MACROD2: variants seen among roughly 807,000 people sequenced by gnomAD.
MACROD2 encodes mono-ADP ribosylhydrolase 2.
MACROD2 carries 36 observed loss-of-function variants against 70.4 expected under a neutral mutation model. That is an observed-to-expected ratio of 0.51 (90% CI 0.39 to 0.68). The LOEUF (loss-of-function observed/expected upper bound fraction) is 0.68. Among genes scored for constraint, MACROD2 ranks in the 30% least tolerant of loss-of-function variants. The pLI is 0.00. For synonymous variants in MACROD2, 172 were observed against 178.8 expected (o/e 0.96, Z 0.30); for missense variants, 496 against 538.4 (o/e 0.92, Z 0.78).
At chr20:14,768,391 C>T (rs933940347) in intron 5 of MACROD2, among the ~76,000 whole-genome samples, 1 of 152,110 alleles carries the variant, frequency 6.6e-6, no homozygotes, top group African/African-American at 2.4e-5. Context: ...GAACATTTCC[C>T]AGGAATTTGG....
intron 6 of MACROD2, among the ~76,000 whole-genome samples, chr20:15,328,798 A>T (rs971936372): frequency 1.3e-5 from 2 of 152,248 alleles, no homozygotes; most frequent in African/African-American, 4.8e-5. Context: ...TCTTTGACAT[A>T]ACAATTACAC....
chr20:14,654,530 A>T (rs1985867570), intron 4 of MACROD2, among the ~76,000 whole-genome samples: 1 of 148,824 alleles, frequency 6.7e-6, no homozygotes. Flanking sequence ...TGGGAGATGG[A>T]GTGAGACTCC....
At chr20:14,637,357 C>T (rs1984838999) in intron 4 of MACROD2, among the ~76,000 whole-genome samples, 1 of 152,140 alleles carries the variant, frequency 6.6e-6, no homozygotes, top group South Asian at 2.1e-4. Context: ...TCCAGTTAAC[C>T]ATTAAAGATA....
intron 10 of MACROD2, among the ~76,000 whole-genome samples, chr20:15,894,488 G>T (rs2064939298): frequency 6.6e-6 from 1 of 152,190 alleles, no homozygotes; most frequent in Admixed American, 6.5e-5. Flanking sequence ...AGGATGAGCA[G>T]ACCAGGAACA....
At chr20:15,638,256 C>T (rs2049400740) in intron 8 of MACROD2, among the ~76,000 whole-genome samples, 1 of 152,140 alleles carries the variant, frequency 6.6e-6, no homozygotes, top group African/African-American at 2.4e-5. Flanking sequence ...CTCACCAGAC[C>T]CCTGTGCATC....
chr20:14,029,999 A>G (rs572475870), intron 2 of MACROD2, among the ~76,000 whole-genome samples: 61 of 152,278 alleles, frequency 4.0e-4, no homozygotes, highest in African/African-American at 1.4e-3. Flanking sequence ...GGGAGGAGGG[A>G]GCTAAGAAAT....
intron 5 of MACROD2, among the ~76,000 whole-genome samples, chr20:14,813,067 GT>G (rs139199733): frequency 6.0e-5 from 9 of 149,572 alleles, no homozygotes; most frequent in African/African-American, 1.2e-4. Context: ...TTTAATTTTT[GT>G]TTTTTTTTAC....
chr20:15,685,189 G>T (rs2050210406), intron 8 of MACROD2, among the ~76,000 whole-genome samples: 1 of 152,110 alleles, frequency 6.6e-6, no homozygotes, highest in African/African-American at 2.4e-5. Flanking sequence ...GAAAGGGGTT[G>T]CATGGGATCC....
intron 13 of MACROD2, among the ~76,000 whole-genome samples, chr20:15,982,872 G>T (rs544725259): frequency 1.3e-5 from 2 of 151,726 alleles, no homozygotes; most frequent in Middle Eastern, 3.2e-3. Flanking sequence ...GTGCTAACAG[G>T]GCCGTTGCTA....
chr20:14,597,097 AAG>A (rs1166766459), intron 4 of MACROD2, among the ~76,000 whole-genome samples: 1 of 152,186 alleles, frequency 6.6e-6, no homozygotes, highest in Non-Finnish European at 1.5e-5. Flanking sequence ...TTGTAGATAA[AAG>A]ATATATTTTA....
At chr20:14,289,724 T>A (rs781187298) in intron 3 of MACROD2, among the ~76,000 whole-genome samples, 10 of 152,070 alleles carry the variant, frequency 6.6e-5, no homozygotes, top group Non-Finnish European at 1.5e-4. Context: ...GCATTTTTGG[T>A]AGAGACAGGG....
At chr20:15,906,237 T>C (rs1170145514) in intron 10 of MACROD2, among the ~76,000 whole-genome samples, 1 of 152,212 alleles carries the variant, frequency 6.6e-6, no homozygotes, top group Non-Finnish European at 1.5e-5. Context: ...AAAACGCAGA[T>C]TCCTGCACCT....
At position 14,955,438 on chromosome 20, in the gene MACROD2, A is replaced by G. The variant is rs78022783; in HGVS notation, c.418+270479A>G. 3.2e-3 allele frequency among the ~76,000 whole-genome samples: 480 copies of G among 151,076 alleles called. 5 individuals carry two copies. Among genetic ancestry groups the G allele is most frequent in the African/African-American group, 0.011 (460 of 41,138 alleles). Reference sequence around the variant, plus strand: ...ATGTTTAATGTTCCATGGTCTACACACCTCATTGCCCTCCACACAAGTTAG... The same window carrying G: ...ATGTTTAATGTTCCATGGTCTACACGCCTCATTGCCCTCCACACAAGTTAG... On this transcript the variant is annotated intron_variant, in intron 5 of 17. Transcript: ENST00000684519.
intron 3 of MACROD2, among the ~76,000 whole-genome samples, chr20:14,173,489 CTATT>C (rs1231475362): frequency 3.9e-5 from 6 of 151,944 alleles, no homozygotes; most frequent in African/African-American, 1.4e-4. Context: ...TTTATGCTAT[CTATT>C]GCAGTGAAGA....
chr20:14,130,440 C>T (rs1423345941), intron 3 of MACROD2, among the ~76,000 whole-genome samples: 2 of 151,988 alleles, frequency 1.3e-5, no homozygotes, highest in South Asian at 2.1e-4. Flanking sequence ...CCCAGCTACT[C>T]GGGAGGCTGA....
chr20:15,598,182 A>C (rs1485138882), intron 8 of MACROD2, among the ~76,000 whole-genome samples: 1 of 152,230 alleles, frequency 6.6e-6, no homozygotes, highest in Non-Finnish European at 1.5e-5. Flanking sequence ...GAAAGGCTTT[A>C]ACTTCAAAAC....
At chr20:15,499,492 TGTAA>T (rs1476438742) in intron 7 of MACROD2, among the ~76,000 whole-genome samples, 2 of 152,222 alleles carry the variant, frequency 1.3e-5, no homozygotes, top group African/African-American at 2.4e-5. Flanking sequence ...ATTATGCATA[TGTAA>T]ATATGTTTTT....
At chr20:14,748,406 C>T (rs1476315534) in intron 5 of MACROD2, among the ~76,000 whole-genome samples, 2 of 152,146 alleles carry the variant, frequency 1.3e-5, no homozygotes, top group East Asian at 1.9e-4. Context: ...GAATTAACCA[C>T]TGTATCCAGT....
At chr20:14,862,295 A>G (rs1315236507) in intron 5 of MACROD2, among the ~76,000 whole-genome samples, 1 of 22,926 alleles carries the variant, frequency 4.4e-5, no homozygotes, top group Non-Finnish European at 7.3e-5. Context: ...ATATTTATAT[A>G]AATATATATA....
Sources: allele counts gnomAD v4.1 joint callset (sites outside exome capture counted in the v4.1 genomes callset), GRCh38; gene constraint gnomAD v4.1.1; transcripts MANE v1.5; gene names NCBI Gene and HGNC (gene_info 2026-07-23, HGNC 2026-07-21).